IL1RAPL1: variants seen among roughly 807,000 people sequenced by gnomAD.
IL1RAPL1 encodes interleukin 1 receptor accessory protein like 1.
In IL1RAPL1, 3 loss-of-function variants were observed where a neutral mutation model predicts 48.4. The ratio of observed to expected loss-of-function variants is 0.06; its 90% CI spans 0.03 to 0.16. The LOEUF (loss-of-function observed/expected upper bound fraction) is 0.16. Ranked by LOEUF, IL1RAPL1 falls within the 10% of genes least tolerant of loss-of-function variation. The pLI is 1.00. For synonymous variants in IL1RAPL1, 185 were observed against 187.7 expected (o/e 0.99, Z 0.12); for missense variants, 349 against 530.6 (o/e 0.66, Z 3.36).
chrX:28,963,942 C>T lies in IL1RAPL1; in HGVS notation c.82+174517C>T, dbSNP rs138557410. Among the ~76,000 whole-genome samples the T allele has an allele frequency of 2.0e-3, 225 of 111,403 alleles. 1 individual carries two copies. Among genetic ancestry groups the T allele is most frequent in the African/African-American group, 7.0e-3 (214 of 30,732 alleles). ...ATATTTTTATATGTATCATTCTACT[C>T]AATTTTCTCTGTGTATTGTGCTTAT... On this transcript the variant is annotated intron_variant, in intron 2 of 10. Transcript: ENST00000378993.
chrX:28,893,992 T>A (rs1922840687), intron 2 of IL1RAPL1, among the ~76,000 whole-genome samples: 1 of 111,936 alleles, frequency 8.9e-6, no homozygotes, highest in Non-Finnish European at 1.9e-5. Flanking sequence ...CTTATCAGCA[T>A]AAGCGTTGCC....
At chrX:29,731,195 G>A (rs1174925784) in intron 6 of IL1RAPL1, among the ~76,000 whole-genome samples, 17 of 111,895 alleles carry the variant, frequency 1.5e-4, no homozygotes. Context: ...TAAAGGCAAA[G>A]GGATAAAGTG....
At chrX:29,334,901 G>C (rs1415107447) in intron 3 of IL1RAPL1, among the ~76,000 whole-genome samples, 2 of 112,925 alleles carry the variant, frequency 1.8e-5, no homozygotes, top group African/African-American at 6.5e-5. Flanking sequence ...TGCAATCTCG[G>C]CACTTTGGGG....
intron 6 of IL1RAPL1, among the ~76,000 whole-genome samples, chrX:29,749,742 C>A (rs1398434333): frequency 8.9e-6 from 1 of 112,109 alleles, no homozygotes; most frequent in Non-Finnish European, 1.9e-5. Flanking sequence ...TCGTGTTTAA[C>A]AGAAAACATC....
rs751309690 is a variant in IL1RAPL1, at chrX:29,059,173, A to G, written c.83-223765A>G. Among the ~76,000 whole-genome samples, 3 of 111,806 alleles carry G rather than the reference A, an allele frequency of 2.7e-5. 1 individual carries two copies. The South Asian group carries it at 1.1e-3, about 42-fold the overall frequency. ...TTTTATTATTTTCTTTGGTTGGTTT[A>G]TAATCAGCAAATTTTATCTTGGAAA... On this transcript the variant is annotated intron_variant, in intron 2 of 10. Coordinates refer to ENST00000378993, the MANE Select transcript of IL1RAPL1 (RefSeq NM_014271.4).
At chrX:29,790,941 G>C (rs1230417008) in intron 6 of IL1RAPL1, among the ~76,000 whole-genome samples, 1 of 111,527 alleles carries the variant, frequency 9.0e-6, no homozygotes, top group Non-Finnish European at 1.9e-5. Context: ...TTCTTTCTCT[G>C]ATCTCATGTC....
chrX:28,621,330 C>T (rs1347073501), intron 1 of IL1RAPL1, among the ~76,000 whole-genome samples: 1 of 111,628 alleles, frequency 9.0e-6, no homozygotes, highest in African/African-American at 3.3e-5. Flanking sequence ...ATGTCTGTTA[C>T]TTCCTTGGTT....
intron 2 of IL1RAPL1, among the ~76,000 whole-genome samples, chrX:29,235,561 C>T (rs781445520): frequency 9.0e-6 from 1 of 110,947 alleles, no homozygotes; most frequent in Non-Finnish European, 1.9e-5. Context: ...ATGTAACAAG[C>T]ACTATTCCTG....
intron 5 of IL1RAPL1, among the ~76,000 whole-genome samples, chrX:29,411,299 C>G (rs779904500): frequency 1.8e-5 from 2 of 112,088 alleles, no homozygotes; most frequent in Non-Finnish European, 3.8e-5. Context: ...AATGATGGGT[C>G]ACATTTTTAA....
At chrX:29,032,132 A>G (rs775203086) in intron 2 of IL1RAPL1, among the ~76,000 whole-genome samples, 2 of 111,744 alleles carry the variant, frequency 1.8e-5, no homozygotes, top group Non-Finnish European at 3.8e-5. Context: ...TTTTAAAGGG[A>G]TGGTTTTCAC....
chrX:29,152,627 A>T (rs1929489511), intron 2 of IL1RAPL1, among the ~76,000 whole-genome samples: 1 of 112,348 alleles, frequency 8.9e-6, no homozygotes, highest in African/African-American at 3.2e-5. Flanking sequence ...ACAACATAAC[A>T]ACTTGTGATT....
At chrX:29,910,258 G>A (rs971325420) in intron 6 of IL1RAPL1, among the ~76,000 whole-genome samples, 2 of 110,202 alleles carry the variant, frequency 1.8e-5, no homozygotes, top group African/African-American at 6.6e-5. Context: ...GGCTGAGAAC[G>A]GAAAAACTAC....
chrX:28,939,222 C>G (rs1446307027), intron 2 of IL1RAPL1, among the ~76,000 whole-genome samples: 2 of 110,728 alleles, frequency 1.8e-5, no homozygotes, highest in Non-Finnish European at 3.8e-5. Context: ...ACCATAAAGA[C>G]ACATGCATGC....
intron 5 of IL1RAPL1, among the ~76,000 whole-genome samples, chrX:29,418,121 A>AT (rs1347883796): frequency 4.7e-4 from 19 of 40,279 alleles, no homozygotes; most frequent in South Asian, 1.7e-3. Context: ...ATATATATAT[A>AT]TATATTTTTT....
intron 2 of IL1RAPL1, among the ~76,000 whole-genome samples, chrX:28,994,919 A>G (rs759204839): frequency 7.4e-4 from 83 of 111,884 alleles, no homozygotes; most frequent in African/African-American, 2.4e-3. Context: ...TATTTTTACA[A>G]AATGCAGAAG....
intron 2 of IL1RAPL1, among the ~76,000 whole-genome samples, chrX:29,044,500 AC>A (rs1926914029): frequency 9.0e-6 from 1 of 111,502 alleles, no homozygotes; most frequent in Admixed American, 9.6e-5. Flanking sequence ...GTTAAAAAAA[AC>A]AACATAAAGA....
At chrX:29,141,872 A>G (rs903470456) in intron 2 of IL1RAPL1, among the ~76,000 whole-genome samples, 4 of 112,336 alleles carry the variant, frequency 3.6e-5, no homozygotes, top group African/African-American at 1.3e-4. Flanking sequence ...GAAAGACAGC[A>G]GACTATCAAT....
chrX:29,599,552 G>A (rs913126360), intron 5 of IL1RAPL1, among the ~76,000 whole-genome samples: 1 of 111,804 alleles, frequency 8.9e-6, no homozygotes, highest in Non-Finnish European at 1.9e-5. Flanking sequence ...CTTGTATTTG[G>A]ATGTCTAAAT....
At chrX:29,137,397 G>A (rs746456400) in intron 2 of IL1RAPL1, among the ~76,000 whole-genome samples, 2 of 111,284 alleles carry the variant, frequency 1.8e-5, no homozygotes, top group East Asian at 5.6e-4. Context: ...TATATGTAAG[G>A]GATAATTTTT....
Sources: gnomAD v4.1 joint callset for allele counts (sites outside exome capture counted in the v4.1 genomes callset) on GRCh38, gnomAD v4.1.1 for gene constraint, MANE v1.5 for transcripts, NCBI Gene and HGNC (gene_info 2026-07-23, HGNC 2026-07-21) for gene names.